SNTG2: variants seen among roughly 807,000 people sequenced by gnomAD.
The protein encoded by SNTG2 is gamma-2-syntrophin.
In SNTG2, 74 loss-of-function variants were observed where a neutral mutation model predicts 70.9. The ratio of observed to expected loss-of-function variants is 1.04; its 90% CI spans 0.86 to 1.27. The LOEUF is 1.27. SNTG2 is among the 50% of genes most tolerant of loss of function. The pLI is 0.00. For synonymous variants in SNTG2, 278 were observed against 273.8 expected, an observed-to-expected ratio of 1.02 and a Z score of -0.15; for missense variants, 717 against 690.7, an observed-to-expected ratio of 1.04 and a Z score of -0.43.
intron 16 of SNTG2, among the ~76,000 whole-genome samples, chr2:1,322,615 C>G (rs1419818340): frequency 6.6e-6 from 1 of 152,142 alleles, no homozygotes; most frequent in Non-Finnish European, 1.5e-5. Context: ...CTCTTTGTCT[C>G]TGTCTCTATC....
chr2:1,007,388 T>G (rs573126654), intron 1 of SNTG2, among the ~76,000 whole-genome samples: 6 of 152,328 alleles, frequency 3.9e-5, no homozygotes, highest in African/African-American at 1.4e-4. Flanking sequence ...TTTTGGTGTT[T>G]GATGGACTCA....
chr2:1,035,838 G>C (rs1380682381), intron 1 of SNTG2, among the ~76,000 whole-genome samples: 1 of 152,150 alleles, frequency 6.6e-6, no homozygotes, highest in Non-Finnish European at 1.5e-5. Context: ...CTTATCTGAA[G>C]GGGATGGAGA....
intron 16 of SNTG2, among the ~76,000 whole-genome samples, chr2:1,336,039 A>ATATTAG (rs1223804072): frequency 3.9e-5 from 6 of 152,232 alleles, no homozygotes; most frequent in African/African-American, 1.4e-4. Context: ...AGTCAAAATA[A>ATATTAG]TATTAGTCTT....
At chr2:1,313,545 C>A (rs1681116317) in intron 15 of SNTG2, among the ~76,000 whole-genome samples, 1 of 152,212 alleles carries the variant, frequency 6.6e-6, no homozygotes, top group South Asian at 2.1e-4. Flanking sequence ...TCCACTTTTA[C>A]ATAAAGTGTG....
At chr2:1,033,227 A>G (rs570845810) in intron 1 of SNTG2, among the ~76,000 whole-genome samples, 1 of 152,262 alleles carries the variant, frequency 6.6e-6, no homozygotes, top group African/African-American at 2.4e-5. Flanking sequence ...GCCTCAGGCA[A>G]TTGTGATGCT....
intron 16 of SNTG2, among the ~76,000 whole-genome samples, chr2:1,349,533 A>G (rs79609768): frequency 0.014 from 2,146 of 152,326 alleles, 48 homozygotes; most frequent in African/African-American, 0.047. Context: ...AGGGGCTGTT[A>G]TCATCCTTGC....
chr2:1,274,407 A>G (rs552433446), intron 14 of SNTG2, among the ~76,000 whole-genome samples: 84 of 152,392 alleles, frequency 5.5e-4, no homozygotes, highest in African/African-American at 1.9e-3. Flanking sequence ...ATCAACAGAA[A>G]GAATGAATTA....
chr2:1,092,895 G>A (rs1231830212), intron 2 of SNTG2, among the ~76,000 whole-genome samples: 2 of 152,154 alleles, frequency 1.3e-5, no homozygotes, highest in African/African-American at 4.8e-5. Flanking sequence ...CATAGTTTGG[G>A]ATTAAATGAT....
intron 14 of SNTG2, among the ~76,000 whole-genome samples, chr2:1,304,953 G>T (rs1680610923): frequency 6.6e-6 from 1 of 151,642 alleles, no homozygotes; most frequent in Non-Finnish European, 1.5e-5. Context: ...CATATAAAGA[G>T]TTCTAAAACT....
At position 1,000,898 on chromosome 2, in the gene SNTG2, G is replaced by A. The variant is rs904199142; in HGVS notation, c.72+49830G>A. 2.0e-5 allele frequency among the ~76,000 whole-genome samples: 3 copies of A among 151,932 alleles called. No individual in the cohort carries two copies. In the Middle Eastern group the frequency reaches 0.01, roughly 517 times the overall value. ...ACTAGCAAATAAAATCCAGCAGCAT[G>A]TCAAAAATGTGATCAAAATTTTATC... On this transcript the variant is annotated intron_variant, in intron 1 of 16. Coordinates refer to ENST00000308624, the MANE Select transcript of SNTG2 (RefSeq NM_018968.4).
intron 9 of SNTG2, among the ~76,000 whole-genome samples, chr2:1,219,400 A>G (rs1215443262): frequency 1.3e-5 from 2 of 152,204 alleles, no homozygotes; most frequent in African/African-American, 4.8e-5. Context: ...TGTTTATGGA[A>G]TAAGGAATGA....
At chr2:1,352,003 A>G (rs1309051149) in intron 16 of SNTG2, among the ~76,000 whole-genome samples, 1 of 152,052 alleles carries the variant, frequency 6.6e-6, no homozygotes, top group East Asian at 1.9e-4. Context: ...GGTGTCTTCC[A>G]GCCGACCTGG....
At chr2:1,068,260 T>G (rs969428879) in intron 1 of SNTG2, 2 of 152,156 alleles carry the variant, frequency 1.3e-5, no homozygotes, top group African/African-American at 4.8e-5. Context: ...CAGCAGGCCT[T>G]GTTTTTAAAA....
chr2:1,088,450 C>G (rs1664816800), intron 2 of SNTG2, among the ~76,000 whole-genome samples: 2 of 152,158 alleles, frequency 1.3e-5, no homozygotes, highest in African/African-American at 2.4e-5. Context: ...CATGTGAGCT[C>G]TCATTAGTCC....
At chr2:1,083,438 C>G in intron 1 of SNTG2, 80 bp from the exon 2 acceptor site, 1 of 1,474,496 alleles carries the variant, frequency 6.8e-7, no homozygotes, top group Non-Finnish European at 9.4e-7. Context: ...TTGTCTTGAG[C>G]AGGAGGCGTG....
intron 16 of SNTG2, among the ~76,000 whole-genome samples, chr2:1,336,837 C>T (rs1309861419): frequency 5.9e-5 from 9 of 152,132 alleles, no homozygotes; most frequent in Non-Finnish European, 2.9e-5. Context: ...GCACTAGTAC[C>T]ATGCTGTTTT....
intron 8 of SNTG2, among the ~76,000 whole-genome samples, chr2:1,174,048 C>A (rs901395120): frequency 6.6e-6 from 1 of 152,220 alleles, no homozygotes; most frequent in Admixed American, 6.5e-5. Context: ...TCTGACTACT[C>A]CATTTCTAAC....
chr2:1,196,946 C>G (rs1005113806), intron 8 of SNTG2, among the ~76,000 whole-genome samples: 4 of 151,978 alleles, frequency 2.6e-5, no homozygotes. Context: ...GTTTAAAACT[C>G]ATTGGTAGAG....
At chr2:1,171,449 G>T (rs544651014) in intron 7 of SNTG2, among the ~76,000 whole-genome samples, 49 of 152,264 alleles carry the variant, frequency 3.2e-4, no homozygotes, top group African/African-American at 1.2e-3. Context: ...TACTGATAAG[G>T]TGATTACGGG....
Sources: allele counts gnomAD v4.1 joint callset (sites outside exome capture counted in the v4.1 genomes callset), GRCh38; gene constraint gnomAD v4.1.1; transcripts MANE v1.5; gene names NCBI Gene and HGNC (gene_info 2026-07-23, HGNC 2026-07-21).